GPC3: variants seen among roughly 807,000 people sequenced by gnomAD.
GPC3 encodes the protein glypican-3.
In GPC3, 3 loss-of-function variants were observed where a neutral mutation model predicts 34.4. The observed-to-expected ratio is 0.09, with a 90% CI of 0.04 to 0.23. The LOEUF (loss-of-function observed/expected upper bound fraction) is 0.23. Among genes scored for constraint, GPC3 ranks in the 10% least tolerant of loss-of-function variants. The pLI is 1.00. For missense variants in GPC3, 351 were observed against 445.6 expected, an observed-to-expected ratio of 0.79 and a Z score of 1.91; for synonymous variants, 177 against 174.0, an observed-to-expected ratio of 1.02 and a Z score of -0.13.
chrX:133,787,124 A>G (rs2072108963), intron 2 of GPC3, among the ~76,000 whole-genome samples: 1 of 112,221 alleles, frequency 8.9e-6, no homozygotes, highest in African/African-American at 3.2e-5. Context: ...GGATTTCCTA[A>G]ATCTTGAAAA....
chrX:133,604,143 A>G (rs1006184395), intron 6 of GPC3, among the ~76,000 whole-genome samples: 2 of 111,443 alleles, frequency 1.8e-5, no homozygotes, highest in Admixed American at 1.9e-4. Context: ...AAGGGAAGAC[A>G]TTGAAGCTCA....
intron 2 of GPC3, among the ~76,000 whole-genome samples, chrX:133,797,568 C>A (rs1471585197): frequency 3.6e-5 from 4 of 111,556 alleles, no homozygotes. Flanking sequence ...GGTGGCTCCA[C>A]TGGTAATACC....
intron 6 of GPC3, among the ~76,000 whole-genome samples, chrX:133,614,267 A>G (rs745595248): frequency 1.9e-5 from 2 of 107,053 alleles, no homozygotes; most frequent in Non-Finnish European, 3.9e-5. Context: ...AAATTTAACA[A>G]ACATCAACTA....
At chrX:133,973,056 T>A in intron 1 of GPC3, among the ~76,000 whole-genome samples, 1 of 110,880 alleles carries the variant, frequency 9.0e-6, no homozygotes, top group African/African-American at 3.3e-5. Flanking sequence ...AGACAAACAC[T>A]ACTGGGACAC....
intron 2 of GPC3, among the ~76,000 whole-genome samples, chrX:133,945,812 C>T (rs2076365898): frequency 9.0e-6 from 1 of 110,587 alleles, no homozygotes; most frequent in African/African-American, 3.3e-5. Flanking sequence ...AACAATGAAA[C>T]TTAAGCTACA....
chrX:133,692,758 C>T (rs1055063715), intron 4 of GPC3, among the ~76,000 whole-genome samples: 3 of 112,038 alleles, frequency 2.7e-5, no homozygotes, highest in African/African-American at 9.7e-5. Context: ...TTTTCTAAGA[C>T]GTTCCACTTC....
intron 2 of GPC3, among the ~76,000 whole-genome samples, chrX:133,768,069 G>A (rs750703975): frequency 9.0e-6 from 1 of 110,907 alleles, no homozygotes; most frequent in African/African-American, 3.3e-5. Context: ...AGCTGGGCAC[G>A]TTAGTCTCTG....
intron 1 of GPC3, among the ~76,000 whole-genome samples, chrX:133,984,702 C>T: frequency 9.1e-6 from 1 of 110,290 alleles, no homozygotes; most frequent in East Asian, 2.9e-4. Flanking sequence ...TTTGGGGACC[C>T]TCTTACTCAA....
intron 2 of GPC3, among the ~76,000 whole-genome samples, chrX:133,815,080 A>C (rs1016671262): frequency 9.0e-6 from 1 of 110,736 alleles, no homozygotes; most frequent in Non-Finnish European, 1.9e-5. Flanking sequence ...CAATGGGGAA[A>C]AAAAGTGTTT....
intron 7 of GPC3, among the ~76,000 whole-genome samples, chrX:133,536,844 G>A (rs184275735): frequency 1.8e-5 from 2 of 111,117 alleles, no homozygotes; most frequent in African/African-American, 6.5e-5. Context: ...TTGAGGATAG[G>A]TAGTTTGCTG....
chrX:133,931,722 T>C (rs967851020), intron 2 of GPC3, among the ~76,000 whole-genome samples: 23 of 111,833 alleles, frequency 2.1e-4, no homozygotes, highest in Non-Finnish European at 4.1e-4. Context: ...ACAATAGCCC[T>C]GGAAGGACTA....
At chrX:133,634,818 A>C (rs1296711243) in intron 6 of GPC3, among the ~76,000 whole-genome samples, 1 of 112,078 alleles carries the variant, frequency 8.9e-6, no homozygotes, top group Non-Finnish European at 1.9e-5. Context: ...ACAATAGGTA[A>C]ATTTTATGAG....
intron 2 of GPC3, among the ~76,000 whole-genome samples, chrX:133,914,944 A>AATATATATATATATATATATATAT (rs35086661): frequency 4.0e-5 from 2 of 49,934 alleles, no homozygotes; most frequent in African/African-American, 1.0e-4. Context: ...TCAAACTGGA[A>AATATATATATATATATATATATAT]ATATATATAT....
intron 2 of GPC3, among the ~76,000 whole-genome samples, chrX:133,821,474 T>C (rs2075718321): frequency 8.9e-6 from 1 of 112,142 alleles, no homozygotes; most frequent in Non-Finnish European, 1.9e-5. Context: ...CTTCAAACTG[T>C]TGAAATATTT....
chrX:133,951,928 A>G (rs191025737), intron 2 of GPC3, among the ~76,000 whole-genome samples: 81 of 111,520 alleles, frequency 7.3e-4, no homozygotes, highest in Non-Finnish European at 3.0e-4. Context: ...TTCTTGTAAC[A>G]GTGCCATAAA....
chrX:133,693,591 G>T (rs536385883), intron 4 of GPC3, among the ~76,000 whole-genome samples: 1 of 111,221 alleles, frequency 9.0e-6, no homozygotes, highest in South Asian at 3.8e-4. Flanking sequence ...GGCTAAGAAT[G>T]GACTGGCCTG....
intron 1 of GPC3, among the ~76,000 whole-genome samples, chrX:133,962,715 G>T (rs891805500): frequency 9.0e-6 from 1 of 111,512 alleles, no homozygotes; most frequent in Admixed American, 9.5e-5. Flanking sequence ...CAGATAAGTA[G>T]CTGAGACCCT....
chrX:133,821,604 C>T (rs921471440), intron 2 of GPC3, among the ~76,000 whole-genome samples: 3 of 111,788 alleles, frequency 2.7e-5, no homozygotes, highest in African/African-American at 9.8e-5. Flanking sequence ...TGAGTAACGT[C>T]TGACTGGGCC....
intron 1 of GPC3, among the ~76,000 whole-genome samples, chrX:133,981,367 T>G (rs1429450320): frequency 9.0e-6 from 1 of 111,341 alleles, no homozygotes; most frequent in East Asian, 2.8e-4. Context: ...TGCCAAGGAG[T>G]TGGCAGTGTT....
Sources: allele counts gnomAD v4.1 joint callset (sites outside exome capture counted in the v4.1 genomes callset), GRCh38; gene constraint gnomAD v4.1.1; transcripts MANE v1.5; gene names NCBI Gene and HGNC (gene_info 2026-07-23, HGNC 2026-07-21).